The following ASTN2 variants were observed in gnomAD, a reference collection of about 807,000 sequenced individuals.
ASTN2 encodes the protein astrotactin-2.
Under a neutral mutation model 139.8 loss-of-function variants are expected in ASTN2, and 54 were observed. The ratio of observed to expected loss-of-function variants is 0.39; its 90% CI spans 0.31 to 0.48. The LOEUF (loss-of-function observed/expected upper bound fraction) is 0.48, where lower values mean the gene tolerates loss of function less well. Among genes scored for constraint, ASTN2 ranks in the 20% least tolerant of loss-of-function variants. ASTN2 has a pLI of 0.95. For missense variants in ASTN2, 1,565 were observed against 1,725.1 expected, an observed-to-expected ratio of 0.91 and a Z score of 1.64; for synonymous variants, 756 against 719.5, an observed-to-expected ratio of 1.05 and a Z score of -0.81.
chr9:116,900,157 C>T (rs527359436), intron 10 of ASTN2, among the ~76,000 whole-genome samples: 2 of 152,302 alleles, frequency 1.3e-5, no homozygotes, highest in East Asian at 1.9e-4. Flanking sequence ...TATTGCAATG[C>T]TGCTGTTTCA....
chr9:116,872,819 G>A (rs1349189981), intron 10 of ASTN2, among the ~76,000 whole-genome samples: 1 of 152,158 alleles, frequency 6.6e-6, no homozygotes, highest in Non-Finnish European at 1.5e-5. Context: ...AGAATACCCT[G>A]ATTGAGGGGC....
chr9:117,195,085 C>A (rs1454028311), intron 3 of ASTN2, among the ~76,000 whole-genome samples: 2 of 152,142 alleles, frequency 1.3e-5, no homozygotes, highest in African/African-American at 2.4e-5. Flanking sequence ...CTCATGGAAC[C>A]TTCAGCCTAC....
At chr9:116,681,820 A>G (rs538050245) in intron 16 of ASTN2, among the ~76,000 whole-genome samples, 100 of 152,036 alleles carry the variant, frequency 6.6e-4, no homozygotes, top group African/African-American at 2.3e-3. Context: ...CTGGCTAGCC[A>G]TATGTAGAAA....
At chr9:116,769,454 T>C (rs1335196206) in intron 13 of ASTN2, among the ~76,000 whole-genome samples, 1 of 151,898 alleles carries the variant, frequency 6.6e-6, no homozygotes, top group African/African-American at 2.4e-5. Flanking sequence ...ATGGAAGACA[T>C]AAGGTGGTAG....
rs754769188 is a variant in ASTN2 at position 116,863,640 on chromosome 9, G to A, written c.1983C>T (p.Gly661=). The A allele has an allele frequency of 1.2e-6, 2 of 1,614,180 alleles. No homozygotes were observed. Among genetic ancestry groups the A allele is most frequent in the Non-Finnish European group, 1.7e-6 (2 of 1,180,026 alleles). Reference sequence around the variant, plus strand: ...ACACACACTTGAAGTTGCGAGTGCAGCCCCCATTGTTCCGAGAGCAGTCAC... The same window carrying A: ...ACACACACTTGAAGTTGCGAGTGCAACCCCCATTGTTCCGAGAGCAGTCAC... The part of the protein sequence containing the change: ...PVRDCSRNNG[G]CTRNFKCVSD... The change falls in exon 11 of 23, where the codon GGC becomes GGT. Residue 661 remains glycine, a synonymous_variant. Transcript: ENST00000313400.
intron 10 of ASTN2, among the ~76,000 whole-genome samples, chr9:116,924,596 G>T (rs1400208346): frequency 3.3e-5 from 5 of 152,102 alleles, no homozygotes; most frequent in African/African-American, 7.2e-5. Flanking sequence ...GGAACTGAGG[G>T]TTCATCCCCT....
intron 3 of ASTN2, among the ~76,000 whole-genome samples, chr9:117,184,337 G>A (rs1045619816): frequency 1.3e-5 from 2 of 152,210 alleles, no homozygotes; most frequent in South Asian, 2.1e-4. Context: ...TCCATGGGGC[G>A]AGGCTGCTTC....
At chr9:116,728,898 C>A (rs1035335422) in intron 15 of ASTN2, 94 bp downstream of exon 15, 72 of 1,000,840 alleles carry the variant, frequency 7.2e-5, no homozygotes, top group Non-Finnish European at 1.1e-4. Flanking sequence ...CTCAGCATCC[C>A]CAGTGCTCTC....
intron 2 of ASTN2, among the ~76,000 whole-genome samples, chr9:117,269,385 A>G (rs1293622759): frequency 6.6e-6 from 1 of 152,234 alleles, no homozygotes; most frequent in Non-Finnish European, 1.5e-5. Context: ...GCAAGAGTGC[A>G]TATTTAATTA....
At chr9:116,842,763 A>T (rs1832302711) in intron 11 of ASTN2, among the ~76,000 whole-genome samples, 1 of 151,904 alleles carries the variant, frequency 6.6e-6, no homozygotes. Flanking sequence ...GAGGGCATGC[A>T]AAAAGGATTA....
intron 13 of ASTN2, among the ~76,000 whole-genome samples, chr9:116,798,192 G>A (rs1830751568): frequency 6.6e-6 from 1 of 152,172 alleles, no homozygotes; most frequent in South Asian, 2.1e-4. Context: ...AATCAGGTCA[G>A]CCCAGGAGGC....
rs71502074 is a variant in ASTN2, at chr9:116,658,733, C to CTTTTTTT, written c.2807-6947_2807-6941dup. 8.9e-4 allele frequency among the ~76,000 whole-genome samples: 90 copies of CTTTTTTT among 101,130 alleles called. 1 individual carries two copies. Among genetic ancestry groups the CTTTTTTT allele is most frequent in the East Asian group, 1.3e-3 (4 of 3,064 alleles). The allele number at this position is 101,130 out of a possible 152,430, so 66.3% of individuals were successfully genotyped here. On this transcript the variant is annotated intron_variant, in intron 16 of 22. Transcript: ENST00000313400. Reference sequence around the variant, plus strand: ...GACCTTCCTAATCCTGACCACCGCTCTTTTTTTTTTTTTTTTTTTTTTTTT... The same window carrying CTTTTTTT: ...GACCTTCCTAATCCTGACCACCGCTCTTTTTTTTTTTTTTTTTTTTTTTTTTTTTTTT...
At chr9:116,985,243 A>T (rs185625930) in intron 7 of ASTN2, among the ~76,000 whole-genome samples, 1 of 152,306 alleles carries the variant, frequency 6.6e-6, no homozygotes, top group African/African-American at 2.4e-5. Context: ...GCACTGAGAC[A>T]AATGTGGACT....
intron 2 of ASTN2, among the ~76,000 whole-genome samples, chr9:117,216,381 G>A (rs1343008860): frequency 1.3e-5 from 2 of 152,252 alleles, no homozygotes; most frequent in Non-Finnish European, 2.9e-5. Context: ...GTGGCTGATA[G>A]CTCTGTAGCA....
chr9:116,696,980 T>C (rs906116212), intron 16 of ASTN2, among the ~76,000 whole-genome samples: 1 of 151,490 alleles, frequency 6.6e-6, no homozygotes, highest in Non-Finnish European at 1.5e-5. Flanking sequence ...TCCACACTTT[T>C]GCTTACATGG....
chr9:116,824,695 G>A (rs1030185139), intron 11 of ASTN2, among the ~76,000 whole-genome samples: 1 of 152,194 alleles, frequency 6.6e-6, no homozygotes, highest in South Asian at 2.1e-4. Flanking sequence ...TTTGTTTTAA[G>A]TGACTTGATT....
chr9:116,700,110 A>C (rs1046718253), intron 16 of ASTN2: 1 of 267,434 alleles, frequency 3.7e-6, no homozygotes, highest in Non-Finnish European at 7.7e-6. Flanking sequence ...AATGTGCTTC[A>C]TCTGTGACAC....
In ASTN2 at chr9:116,926,214, C is replaced by T. The variant is rs540134856; in HGVS notation, c.1889+48994G>A. Among the ~76,000 whole-genome samples, 11 of 152,292 alleles carry T rather than the reference C, an allele frequency of 7.2e-5. No homozygotes were observed. The East Asian group carries it at 2.1e-3, about 29-fold the overall frequency. Reference sequence around the variant, plus strand: ...GTGTCTAAGAAACCATCAATGATGTCTTCAAGCTTCCTGCTGTAACCTCTT... The same window carrying T: ...GTGTCTAAGAAACCATCAATGATGTTTTCAAGCTTCCTGCTGTAACCTCTT... On this transcript the variant is annotated intron_variant, in intron 10 of 22. Transcript: ENST00000313400.
chr9:117,221,939 A>G (rs1252717207), intron 2 of ASTN2, among the ~76,000 whole-genome samples: 3 of 152,214 alleles, frequency 2.0e-5, no homozygotes, highest in Non-Finnish European at 2.9e-5. Flanking sequence ...TGGAGACAGA[A>G]TATGCAGCCG....
Sources: gnomAD v4.1 joint callset for allele counts (sites outside exome capture counted in the v4.1 genomes callset) on GRCh38, gnomAD v4.1.1 for gene constraint, MANE v1.5 for transcripts, NCBI Gene and HGNC (gene_info 2026-07-23, HGNC 2026-07-21) for gene names.